Variants in ZFC3H1 observed in about 807,000 individuals in gnomAD.
ZFC3H1 encodes the protein zinc finger C3H1 domain-containing protein.
ZFC3H1 carries 71 observed loss-of-function variants against 243.7 expected under a neutral mutation model. That is an observed-to-expected ratio of 0.29 (90% confidence interval 0.24 to 0.36). The LOEUF (loss-of-function observed/expected upper bound fraction) is 0.36. ZFC3H1 is among the 10% of genes least tolerant of loss of function. The pLI, the probability that ZFC3H1 is intolerant of heterozygous loss-of-function variation, is 1.00. For missense variants in ZFC3H1, 1,966 were observed against 2,317.1 expected (o/e 0.85, Z 3.11); for synonymous variants, 838 against 813.0 (o/e 1.03, Z -0.52).
chr12:71,661,484 C>T (rs1383690089), intron 1 of ZFC3H1, among the ~76,000 whole-genome samples: 4 of 130,850 alleles, frequency 3.1e-5, no homozygotes, highest in African/African-American at 5.8e-5. Context: ...TATAATTTTC[C>T]TTTTTTTTTT....
At chr12:71,628,471 T>C (rs569615675) in intron 20 of ZFC3H1, among the ~76,000 whole-genome samples, 2 of 152,356 alleles carry the variant, frequency 1.3e-5, no homozygotes, top group Non-Finnish European at 2.9e-5. Flanking sequence ...CACTCATTCA[T>C]ACATTATTTT....
At chr12:71,632,770 A>T in intron 14 of ZFC3H1, 116 bp downstream of exon 14, 3 of 1,448,532 alleles carry the variant, frequency 2.1e-6, no homozygotes, top group Admixed American at 2.5e-5. Flanking sequence ...CAAAGCTTTA[A>T]TCTTAATCTC....
At chr12:71,656,392 G>T in intron 2 of ZFC3H1, 1 of 513,306 alleles carries the variant, frequency 1.9e-6, no homozygotes, top group Non-Finnish European at 3.4e-6. Flanking sequence ...ATACAAGGGT[G>T]GTTTAATACT....
chr12:71,657,908 G>C (rs944672005), intron 1 of ZFC3H1, among the ~76,000 whole-genome samples: 2 of 151,634 alleles, frequency 1.3e-5, no homozygotes, highest in Admixed American at 6.6e-5. Context: ...AGAATTGCTT[G>C]AACTCAGGAG....
chr12:71,623,894 T>C (rs532062600), intron 23 of ZFC3H1, among the ~76,000 whole-genome samples: 1 of 152,324 alleles, frequency 6.6e-6, no homozygotes, highest in South Asian at 2.1e-4. Context: ...TGAAAACTTA[T>C]AAAAACTCTA....
Position 71,626,330 on chromosome 12 carries a change from G to T in ZFC3H1, c.4247C>A (p.Thr1416Asn), listed in dbSNP as rs750725279. Residue 1416 changes from threonine to asparagine, a missense_variant, in exon 22 of 35, where the codon ACC becomes AAC. Thr to Asn is a moderately conservative substitution (Grantham distance 65). Coordinates refer to ENST00000378743, the MANE Select transcript of ZFC3H1 (RefSeq NM_144982.5). Reference sequence around the variant, plus strand: ...ACACATTTCCTGCACCTCGTCCTTGGTTCCTCTTTTTGAGAACAATCTGAG... The same window carrying T: ...ACACATTTCCTGCACCTCGTCCTTGTTTCCTCTTTTTGAGAACAATCTGAG... ...HYLRLFSKRG[T>N]KDEVQEMCET... is the part of the protein sequence containing the mutation. 52 of 1,613,592 alleles carry T rather than the reference G, an allele frequency of 3.2e-5. No individual in the cohort carries two copies. The highest frequency in any genetic ancestry group is 4.2e-5 in the Non-Finnish European group (50 of 1,179,944).
chr12:71,630,744 A>G (rs1880302269), intron 17 of ZFC3H1, 23 bp from the exon 18 acceptor site: 2 of 1,604,618 alleles, frequency 1.2e-6, no homozygotes, highest in Non-Finnish European at 1.7e-6. Context: ...AAAACACAGA[A>G]AAGATAATCA....
chr12:71,644,332 A>G lies in ZFC3H1; in HGVS notation c.1280-14T>C, dbSNP rs777853540. ...ATGCTTGTTTAGCTTTAAATAAAAAACACATAAACATTAGCATCTGTTAGG... is the reference window on the plus strand; with the variant it reads ...ATGCTTGTTTAGCTTTAAATAAAAAGCACATAAACATTAGCATCTGTTAGG... On this transcript the variant is annotated splice_polypyrimidine_tract_variant and intron_variant, in intron 4 of 34. Transcript: ENST00000378743. The G allele has an allele frequency of 1.9e-6, 3 of 1,607,142 alleles. No homozygotes were observed. Among genetic ancestry groups the G allele is most frequent in the Non-Finnish European group, 2.5e-6 (3 of 1,178,282 alleles).
chr12:71,636,018 C>A (rs1880449603), intron 9 of ZFC3H1, among the ~76,000 whole-genome samples: 1 of 152,056 alleles, frequency 6.6e-6, no homozygotes, highest in Non-Finnish European at 1.5e-5. Context: ...GAAGCCATTA[C>A]AAAACAAGGT....
At chr12:71,614,750 C>T (rs1323968261) in intron 29 of ZFC3H1, 50 bp from the exon 30 acceptor site, 1 of 1,586,970 alleles carries the variant, frequency 6.3e-7, no homozygotes, top group Non-Finnish European at 8.6e-7. Flanking sequence ...CAGTAGTTCT[C>T]TCACCAAGAA....
At chr12:71,627,294 T>C (rs1348120427) in intron 21 of ZFC3H1, among the ~76,000 whole-genome samples, 1 of 152,194 alleles carries the variant, frequency 6.6e-6, no homozygotes, top group Non-Finnish European at 1.5e-5. Context: ...TAATTTAATA[T>C]GACAGAGACA....
chr12:71,656,174 G>GA (rs1881012923), intron 2 of ZFC3H1, among the ~76,000 whole-genome samples: 1 of 152,132 alleles, frequency 6.6e-6, no homozygotes, highest in African/African-American at 2.4e-5. Flanking sequence ...TGAGGTTGAT[G>GA]AAAGAATTCT....
intron 2 of ZFC3H1, among the ~76,000 whole-genome samples, chr12:71,654,458 G>T (rs1035909073): frequency 6.6e-6 from 1 of 152,054 alleles, no homozygotes; most frequent in Non-Finnish European, 1.5e-5. Flanking sequence ...CACACACAGA[G>T]AATATATTTA....
At chr12:71,655,828 G>T (rs917929711) in intron 2 of ZFC3H1, among the ~76,000 whole-genome samples, 1 of 152,080 alleles carries the variant, frequency 6.6e-6, no homozygotes, top group Non-Finnish European at 1.5e-5. Flanking sequence ...AGAGGGGGGG[G>T]AAATTACAGG....
intron 2 of ZFC3H1, among the ~76,000 whole-genome samples, chr12:71,654,622 T>C (rs1312255583): frequency 6.6e-6 from 1 of 151,900 alleles, no homozygotes; most frequent in African/African-American, 2.4e-5. Flanking sequence ...ACCAGAAATT[T>C]AGTATCCAAC....
intron 2 of ZFC3H1, among the ~76,000 whole-genome samples, chr12:71,652,245 C>G (rs996165521): frequency 2.6e-5 from 4 of 152,156 alleles, no homozygotes; most frequent in Non-Finnish European, 5.9e-5. Flanking sequence ...TGATTTTCCT[C>G]CAATCACTCT....
chr12:71,621,147 T>A (rs1880014884), intron 24 of ZFC3H1, among the ~76,000 whole-genome samples: 1 of 152,158 alleles, frequency 6.6e-6, no homozygotes, highest in Admixed American at 6.5e-5. Context: ...AAATCTCATT[T>A]CCTCAGAAAA....
In ZFC3H1 at chr12:71,656,965, C is replaced by T. The variant is rs1425144985; in HGVS notation, c.935G>A (p.Gly312Glu). 1.9e-6 allele frequency: 3 copies of T among 1,613,708 alleles called. No individual in the cohort carries two copies. Among genetic ancestry groups the T allele is most frequent in the Non-Finnish European group, 2.5e-6 (3 of 1,179,900 alleles). The change falls in exon 2 of 35, where the codon GGA becomes GAA. Residue 312 changes from glycine (G) to glutamate (E), a missense_variant. By Grantham distance (98) the Gly-to-Glu change is moderately conservative. Transcript: ENST00000378743. The part of the protein sequence containing the change: ...KPLRQKLTLP[G>E]DKNRLKKVKD... ...AACTTTTTTCAAACGGTTCTTATCTCCTGGTAAAGTCAATTTTTGCCTGAG... is the reference window on the plus strand; with the variant it reads ...AACTTTTTTCAAACGGTTCTTATCTTCTGGTAAAGTCAATTTTTGCCTGAG...
rs141414059 is a variant in ZFC3H1, at chr12:71,663,642, C to A, written c.-32G>T. The stretch of plus-strand genomic sequence containing the variant: ...AGCAGCGCCTTCCACACAACCTTAG[C>A]CCTCCGTCCGGGGATCCGCCCGACA... On this transcript the variant is annotated 5_prime_UTR_variant, in exon 1 of 35. Transcript: ENST00000378743. The A allele has an allele frequency of 2.5e-6, 4 of 1,586,442 alleles. No individual in the cohort carries two copies. The South Asian group carries it at 4.5e-5, about 18-fold the overall frequency.
Sources: allele counts gnomAD v4.1 joint callset (sites outside exome capture counted in the v4.1 genomes callset), GRCh38; gene constraint gnomAD v4.1.1; transcripts MANE v1.5; gene names NCBI Gene and HGNC (gene_info 2026-07-23, HGNC 2026-07-21).